NAV3: variants seen among roughly 807,000 people sequenced by gnomAD.
NAV3 encodes pore membrane and/or filament interacting like protein 1.
A neutral mutation model predicts 244.7 loss-of-function variants in NAV3; 87 were observed. The ratio of observed to expected loss-of-function variants is 0.36; its 90% CI spans 0.30 to 0.42. The LOEUF is 0.42. NAV3 is among the 20% of genes least tolerant of loss of function. The pLI, the probability that NAV3 is intolerant of heterozygous loss-of-function variation, is 1.00. For missense variants in NAV3, 2,663 were observed against 2,893.3 expected (o/e 0.92, Z 1.83); for synonymous variants, 1,126 against 1,042.2 (o/e 1.08, Z -1.55).
At chr12:77,950,203 G>A (rs1447568981) in intron 3 of NAV3, among the ~76,000 whole-genome samples, 1 of 152,054 alleles carries the variant, frequency 6.6e-6, no homozygotes. Flanking sequence ...TGGATCATAT[G>A]ACATTTGTTT....
At chr12:77,873,679 G>GTGTGTA (rs540390004) in intron 1 of NAV3, among the ~76,000 whole-genome samples, 1,677 of 107,208 alleles carry the variant, frequency 0.016, 57 homozygotes, top group South Asian at 0.033. Flanking sequence ...ATTTGTATGT[G>GTGTGTA]TATATATATA....
intron 1 of NAV3, among the ~76,000 whole-genome samples, chr12:77,935,542 G>A (rs1889241169): frequency 6.6e-6 from 1 of 152,180 alleles, no homozygotes; most frequent in South Asian, 2.1e-4. Context: ...TAATGGAAAT[G>A]TATTTCATAT....
Position 77,754,338 on chromosome 12 carries a change from G to A in NAV3, c.72+182072G>A, listed in dbSNP as rs533879334. 2.6e-4 allele frequency among the ~76,000 whole-genome samples: 40 copies of A among 152,196 alleles called. No individual in the cohort carries two copies. In the East Asian group the frequency reaches 6.6e-3, roughly 25 times the overall value. ...TGGCTTAATTCCCCTTGTATGCTAA[G>A]GTGGGAAAGGGATAACAATGTATGT... On this transcript the variant is annotated intron_variant, in intron 2 of 8. Coordinates refer to the NAV3 transcript ENST00000550042.
chr12:77,694,347 C>T (rs1875188344), intron 2 of NAV3, among the ~76,000 whole-genome samples: 1 of 151,758 alleles, frequency 6.6e-6, no homozygotes. Flanking sequence ...GTGGCACACA[C>T]CTGTAGTCCC....
chr12:77,590,515 G>T (rs901686598), intron 2 of NAV3, among the ~76,000 whole-genome samples: 3 of 152,184 alleles, frequency 2.0e-5, no homozygotes, highest in African/African-American at 7.2e-5. Context: ...TTATCAGAGG[G>T]TGGAGGGTAG....
chr12:77,906,543 A>G (rs1332977219), intron 1 of NAV3, among the ~76,000 whole-genome samples: 2 of 152,104 alleles, frequency 1.3e-5, no homozygotes, highest in Non-Finnish European at 2.9e-5. Context: ...TATTGGTGGC[A>G]ATGGACTAGG....
intron 9 of NAV3, 32 bp from the exon 10 acceptor site, chr12:78,049,961 T>C: frequency 2.7e-6 from 4 of 1,502,924 alleles, no homozygotes; most frequent in Non-Finnish European, 3.7e-6. Context: ...CTAAATGTCA[T>C]GAATAGCAAA....
intron 12 of NAV3, among the ~76,000 whole-genome samples, chr12:78,094,459 A>T (rs1379464670): frequency 6.6e-6 from 1 of 152,222 alleles, no homozygotes; most frequent in Non-Finnish European, 1.5e-5. Flanking sequence ...CAAGCCAAAA[A>T]ATTGTACTTT....
intron 1 of NAV3, among the ~76,000 whole-genome samples, chr12:77,853,630 A>C (rs1877902772): frequency 6.6e-6 from 1 of 152,184 alleles, no homozygotes; most frequent in Admixed American, 6.5e-5. Context: ...TACACAATAA[A>C]ACAGGCAGAA....
chr12:78,057,880 G>A (rs950125259), intron 11 of NAV3, among the ~76,000 whole-genome samples: 10 of 152,198 alleles, frequency 6.6e-5, no homozygotes, highest in Admixed American at 6.5e-4. Flanking sequence ...TACATGTAAG[G>A]GTTTCTCTCC....
intron 7 of NAV3, among the ~76,000 whole-genome samples, chr12:78,001,015 A>G (rs1328251281): frequency 2.6e-5 from 4 of 151,734 alleles, no homozygotes; most frequent in African/African-American, 2.4e-5. Context: ...CTATATCCAA[A>G]TGGTACATTT....
At chr12:77,928,401 A>AG (rs1888443233) in intron 1 of NAV3, among the ~76,000 whole-genome samples, 1 of 152,100 alleles carries the variant, frequency 6.6e-6, no homozygotes, top group African/African-American at 2.4e-5. Context: ...AGAATGCCAA[A>AG]GGATAAGGGA....
intron 3 of NAV3, among the ~76,000 whole-genome samples, chr12:77,965,486 G>T (rs1287631298): frequency 6.6e-6 from 1 of 152,126 alleles, no homozygotes; most frequent in Non-Finnish European, 1.5e-5. Flanking sequence ...GGGCGTGGTG[G>T]CGTGCGCCTG....
rs147805122 is a variant in NAV3 at position 78,191,484 on chromosome 12, C to T, written c.6291+1265C>T. 4.9e-4 allele frequency among the ~76,000 whole-genome samples: 74 copies of T among 152,210 alleles called. No homozygotes were observed. The East Asian group carries it at 0.013, about 26-fold the overall frequency. On this transcript the variant is annotated intron_variant, in intron 34 of 39. Transcript: ENST00000397909. ...ACACACACACATCTTTGTTCAAAAC[C>T]GTTTTATATGTGTCCTTCAAAAACA...
At chr12:77,937,010 A>G (rs894571275) in intron 1 of NAV3, among the ~76,000 whole-genome samples, 3 of 152,134 alleles carry the variant, frequency 2.0e-5, no homozygotes, top group Non-Finnish European at 2.9e-5. Flanking sequence ...ATATTTCACC[A>G]TCTAGATTAT....
intron 12 of NAV3, among the ~76,000 whole-genome samples, chr12:78,095,431 G>T (rs1954198971): frequency 6.6e-6 from 1 of 152,182 alleles, no homozygotes; most frequent in African/African-American, 2.4e-5. Flanking sequence ...GAGAACACTT[G>T]AAGAAGTACA....
At chr12:77,646,543 T>C (rs1031538687) in intron 2 of NAV3, among the ~76,000 whole-genome samples, 3 of 151,952 alleles carry the variant, frequency 2.0e-5, no homozygotes, top group African/African-American at 7.3e-5. Flanking sequence ...AAAGGGAGGA[T>C]TGGAAAGAAG....
At chr12:77,915,821 A>G (rs1887087243) in intron 1 of NAV3, among the ~76,000 whole-genome samples, 1 of 151,936 alleles carries the variant, frequency 6.6e-6, no homozygotes, top group Admixed American at 6.6e-5. Flanking sequence ...AGTCCCATCA[A>G]TGTTTATTGA....
At chr12:77,720,807 T>C (rs1236906136) in intron 2 of NAV3, among the ~76,000 whole-genome samples, 1 of 152,120 alleles carries the variant, frequency 6.6e-6, no homozygotes, top group Non-Finnish European at 1.5e-5. Context: ...TTTCTGGATT[T>C]CTCACAAAGG....
Sources: gnomAD v4.1 joint callset for allele counts (sites outside exome capture counted in the v4.1 genomes callset) on GRCh38, gnomAD v4.1.1 for gene constraint, MANE v1.5 for transcripts, NCBI Gene and HGNC (gene_info 2026-07-23, HGNC 2026-07-21) for gene names.